Variants in EPB41L2 observed in about 807,000 individuals in gnomAD.
EPB41L2 encodes band 4.1-like protein 2.
A neutral mutation model predicts 113.0 loss-of-function variants in EPB41L2; 43 were observed. The ratio of observed to expected loss-of-function variants is 0.38; its 90% CI spans 0.30 to 0.49. The LOEUF (loss-of-function observed/expected upper bound fraction) is 0.49. Ranked by LOEUF, EPB41L2 falls within the 20% of genes least tolerant of loss-of-function variation. The probability of loss-of-function intolerance (pLI) is 0.95; values close to 1 mark genes in which losing one functional copy is unlikely to be tolerated. For synonymous variants in EPB41L2, 442 were observed against 436.7 expected (o/e 1.01, Z -0.15); for missense variants, 1,147 against 1,223.4 (o/e 0.94, Z 0.93).
chr6:130,965,223 G>A (rs1774758919), intron 1 of EPB41L2, among the ~76,000 whole-genome samples: 1 of 152,192 alleles, frequency 6.6e-6, no homozygotes, highest in Non-Finnish European at 1.5e-5. Context: ...TCTCAGTATA[G>A]TGGGAGACAT....
chr6:131,016,477 A>AACACACAC (rs10584309), intron 1 of EPB41L2, among the ~76,000 whole-genome samples: 7,633 of 143,390 alleles, frequency 0.053, 271 homozygotes, highest in Non-Finnish European at 0.069. Context: ...TTAATAAGGA[A>AACACACAC]ACACACACAC....
intron 17 of EPB41L2, among the ~76,000 whole-genome samples, chr6:130,864,670 A>G (rs536969970): frequency 1.3e-5 from 2 of 152,354 alleles, no homozygotes; most frequent in African/African-American, 4.8e-5. Flanking sequence ...ACAGCATTTT[A>G]CCATAACAAA....
At chr6:130,998,249 G>A (rs187896136) in intron 1 of EPB41L2, among the ~76,000 whole-genome samples, 1 of 152,198 alleles carries the variant, frequency 6.6e-6, no homozygotes, top group East Asian at 1.9e-4. Context: ...AAGATCTTTT[G>A]AATTCCAAGA....
At chr6:130,871,951 C>T (rs1785832241) in intron 14 of EPB41L2, among the ~76,000 whole-genome samples, 1 of 152,248 alleles carries the variant, frequency 6.6e-6, no homozygotes, top group Admixed American at 6.5e-5. Context: ...CATTCAAAAG[C>T]AATTATGTCA....
At chr6:130,870,273 G>T in intron 14 of EPB41L2, 147 bp from the exon 15 acceptor site, 8 of 1,544,466 alleles carry the variant, frequency 5.2e-6, no homozygotes, top group Non-Finnish European at 7.0e-6. Context: ...CGGGGCAAAC[G>T]TGAGGGCAAT....
chr6:130,871,745 G>GA (rs1562352052), intron 14 of EPB41L2, among the ~76,000 whole-genome samples: 2 of 152,120 alleles, frequency 1.3e-5, no homozygotes, highest in African/African-American at 4.8e-5. Flanking sequence ...ATATTAAACT[G>GA]AAAAAACTCT....
At chr6:131,009,558 A>G (rs1786421952) in intron 1 of EPB41L2, among the ~76,000 whole-genome samples, 1 of 152,098 alleles carries the variant, frequency 6.6e-6, no homozygotes, top group South Asian at 2.1e-4. Context: ...ATAGACTTAA[A>G]AAGATGTAAC....
intron 18 of EPB41L2, among the ~76,000 whole-genome samples, chr6:130,861,076 A>T (rs562593526): frequency 2.6e-5 from 4 of 151,482 alleles, no homozygotes; most frequent in Non-Finnish European, 4.4e-5. Flanking sequence ...TTTTATTTTT[A>T]ATTTTTTTAA....
At chr6:130,941,728 C>T (rs187254970) in intron 3 of EPB41L2, among the ~76,000 whole-genome samples, 1 of 152,258 alleles carries the variant, frequency 6.6e-6, no homozygotes, top group Non-Finnish European at 1.5e-5. Flanking sequence ...GACTGATGCA[C>T]AAAATCAGGC....
Position 130,961,086 on chromosome 6 carries a change from A to C in EPB41L2, c.-14-4587T>G, listed in dbSNP as rs149535904. ...CTGAGATGGTAAAGTCAGATGGGCA[A>C]GCCAAAACTGGAACTAAGGTTTCCC... On this transcript the variant is annotated intron_variant, in intron 1 of 19. Transcript: ENST00000337057. Among the ~76,000 whole-genome samples, 11 of 152,366 alleles carry C rather than the reference A, an allele frequency of 7.2e-5. No individual in the cohort carries two copies. The East Asian group carries it at 2.1e-3, about 29-fold the overall frequency.
At chr6:130,922,830 T>C (rs1054248598) in intron 4 of EPB41L2, among the ~76,000 whole-genome samples, 14 of 152,192 alleles carry the variant, frequency 9.2e-5, no homozygotes, top group African/African-American at 2.9e-4. Context: ...TCCATATGAA[T>C]ATGATATTCA....
intron 1 of EPB41L2, among the ~76,000 whole-genome samples, chr6:130,979,386 T>C (rs902669734): frequency 7.9e-5 from 12 of 151,242 alleles, no homozygotes; most frequent in African/African-American, 2.7e-4. Context: ...TCCCAGCTAC[T>C]TGGGAGGCTG....
chr6:130,926,907 C>T (rs989147494), intron 3 of EPB41L2, among the ~76,000 whole-genome samples, 198 bp from the exon 4 acceptor site: 1 of 152,138 alleles, frequency 6.6e-6, no homozygotes, highest in Non-Finnish European at 1.5e-5. Flanking sequence ...AGCATAAAAT[C>T]TGAAACAAAA....
At chr6:131,027,742 TA>T (rs1209724584) in intron 1 of EPB41L2, among the ~76,000 whole-genome samples, 1 of 152,166 alleles carries the variant, frequency 6.6e-6, no homozygotes, top group South Asian at 2.1e-4. Context: ...TGCATGCCTA[TA>T]AAAACATCTC....
At chr6:131,050,323 A>G (rs1315011614) in intron 1 of EPB41L2, among the ~76,000 whole-genome samples, 1 of 152,162 alleles carries the variant, frequency 6.6e-6, no homozygotes, top group African/African-American at 2.4e-5. Context: ...TGGGCAACAG[A>G]GCGAGACTCT....
In EPB41L2 at chr6:130,899,727, C is replaced by T. The variant is rs1795769971; in HGVS notation, c.1149-149G>A. 4.6e-5 allele frequency: 30 copies of T among 654,904 alleles called. No homozygotes were observed. The South Asian group carries it at 5.7e-4, about 12-fold the overall frequency. 40.6% of individuals were successfully genotyped at this position (654,904 alleles called of 1,614,324 possible). A position where few individuals can be genotyped will look rare whatever the true frequency, so the allele number is the denominator to read the frequency against. ...AAAGTAGGAAATGGTAAGAAAACAA[C>T]TCTCAACCTCTAACATTTTTCCCTT... On this transcript the variant is annotated intron_variant, in intron 7 of 19. Transcript: ENST00000337057.
chr6:130,993,836 T>A (rs1782452133), intron 1 of EPB41L2, among the ~76,000 whole-genome samples: 1 of 152,136 alleles, frequency 6.6e-6, no homozygotes. Flanking sequence ...GTATTAATTT[T>A]AAAAAATATA....
intron 1 of EPB41L2, among the ~76,000 whole-genome samples, chr6:131,020,851 A>C (rs1483129250): frequency 6.6e-6 from 1 of 152,186 alleles, no homozygotes; most frequent in African/African-American, 2.4e-5. Flanking sequence ...ATGCAGTAGC[A>C]TGATTATAGC....
chr6:130,864,926 T>C (rs767111656), intron 17 of EPB41L2, among the ~76,000 whole-genome samples: 17 of 152,228 alleles, frequency 1.1e-4, no homozygotes, highest in Non-Finnish European at 2.2e-4. Context: ...GACTTCAGCA[T>C]GCATCAGAAT....
Sources: allele counts gnomAD v4.1 joint callset (sites outside exome capture counted in the v4.1 genomes callset), GRCh38; gene constraint gnomAD v4.1.1; transcripts MANE v1.5; gene names NCBI Gene and HGNC (gene_info 2026-07-23, HGNC 2026-07-21).